The following GOLGA4 variants were observed in gnomAD, a reference collection of about 807,000 sequenced individuals.
GOLGA4 encodes golgin A4.
Under a neutral mutation model 265.9 loss-of-function variants are expected in GOLGA4, and 169 were observed. The ratio of observed to expected loss-of-function variants is 0.64; its 90% confidence interval spans 0.56 to 0.72. GOLGA4 has a LOEUF of 0.72. Among genes scored for constraint, GOLGA4 ranks in the 30% least tolerant of loss-of-function variants. The probability of loss-of-function intolerance (pLI) is 0.00; values close to 1 mark genes in which losing one functional copy is unlikely to be tolerated. For synonymous variants in GOLGA4, 923 were observed against 855.8 expected, an observed-to-expected ratio of 1.08 and a Z score of -1.37; for missense variants, 2,482 against 2,483.4, an observed-to-expected ratio of 1.00 and a Z score of 0.01.
intron 2 of GOLGA4, among the ~76,000 whole-genome samples, chr3:37,257,332 G>A (rs2096751647): frequency 2.6e-5 from 4 of 152,090 alleles, no homozygotes; most frequent in Admixed American, 2.0e-4. Context: ...ATAAGACCTG[G>A]AATAGACTGG....
intron 12 of GOLGA4, 189 bp from the exon 13 acceptor site, chr3:37,321,542 A>G (rs967120509): frequency 4.3e-5 from 23 of 537,328 alleles, no homozygotes; most frequent in Middle Eastern, 1.0e-3. Context: ...AATTGTGGCA[A>G]TTACCCCACT....
intron 2 of GOLGA4, among the ~76,000 whole-genome samples, chr3:37,265,886 G>T (rs1198918350): frequency 6.6e-6 from 1 of 151,822 alleles, no homozygotes; most frequent in Non-Finnish European, 1.5e-5. Context: ...AAATTAGCAG[G>T]CATAGTGATG....
chr3:37,303,571 CCA>C (rs1438266700), intron 10 of GOLGA4, among the ~76,000 whole-genome samples: 1 of 151,992 alleles, frequency 6.6e-6, no homozygotes, highest in Admixed American at 6.6e-5. Flanking sequence ...TGAATTTGAC[CCA>C]GTCATGAGCT....
At chr3:37,316,886 A>G (rs925534608) in intron 11 of GOLGA4, among the ~76,000 whole-genome samples, 4 of 151,576 alleles carry the variant, frequency 2.6e-5, no homozygotes, top group South Asian at 2.1e-4. Flanking sequence ...TAAAAACCAC[A>G]TGGACAATCC....
At chr3:37,245,480 C>T (rs2096716668) in intron 1 of GOLGA4, 1 of 152,202 alleles carries the variant, frequency 6.6e-6, no homozygotes, top group Admixed American at 6.5e-5. Context: ...TTTATATACA[C>T]ACATAGTAAA....
At chr3:37,278,151 T>TA (rs200121895) in intron 2 of GOLGA4, among the ~76,000 whole-genome samples, 35 of 149,782 alleles carry the variant, frequency 2.3e-4, no homozygotes, top group East Asian at 1.2e-3. Flanking sequence ...TTGTTAAACA[T>TA]AAAAAAAAAG....
chr3:37,250,423 A>C (rs1308418680), intron 1 of GOLGA4: 2 of 152,212 alleles, frequency 1.3e-5, no homozygotes, highest in Non-Finnish European at 2.9e-5. Flanking sequence ...GTCTGGATGT[A>C]TATATGTGTA....
intron 6 of GOLGA4, 85 bp from the exon 7 acceptor site, chr3:37,296,002 C>G: frequency 8.1e-7 from 1 of 1,231,012 alleles, no homozygotes; most frequent in Non-Finnish European, 1.2e-6. Flanking sequence ...AATCCTGGAA[C>G]CAATCCCCCA....
In GOLGA4 at chr3:37,326,536, T is replaced by G; in HGVS notation, c.4650T>G (p.Asn1550Lys). ...EIESLNEVLK[N>K]YNQQKDIEHK... Reference sequence around the variant, plus strand: ...AGTCCTTAAATGAAGTTCTTAAAAATTACAATCAACAAAAGGATATTGAAC... The same window carrying G: ...AGTCCTTAAATGAAGTTCTTAAAAAGTACAATCAACAAAAGGATATTGAAC... The change falls in exon 14 of 24, where the codon AAT becomes AAG. Residue 1550 changes from asparagine to lysine, a missense_variant. By Grantham distance (94) the Asn-to-Lys change is moderately conservative. Transcript: ENST00000361924. The G allele has an allele frequency of 6.2e-7, 1 of 1,607,894 alleles. No individual in the cohort carries two copies. The highest frequency in any genetic ancestry group is 8.5e-7 in the Non-Finnish European group (1 of 1,176,830).
Position 37,327,738 on chromosome 3 carries a change from A to G in GOLGA4, c.5852A>G (p.Lys1951Arg), listed in dbSNP as rs933507196. 2.5e-6 allele frequency: 4 copies of G among 1,613,206 alleles called. No homozygotes were observed. The highest frequency in any genetic ancestry group is 3.4e-6 in the Non-Finnish European group (4 of 1,179,308). The change falls in exon 14 of 24, where the codon AAA becomes AGA. Residue 1951 changes from lysine to arginine, a missense_variant. Lys to Arg is a conservative substitution (Grantham distance 26). Transcript: ENST00000361924. ...GGCAAGGAGATTGTTAGATTGCAGA[A>G]AGACCTTCGAATGTTGAGAAAGGAG... ...KLGKEIVRLQ[K>R]DLRMLRKEHQ...
In GOLGA4 at chr3:37,251,451, A is replaced by G. The variant is rs373395506; in HGVS notation, c.129A>G (p.Thr43=). Residue 43 remains threonine, a synonymous_variant, in exon 2 of 24, where the codon ACA becomes ACG. Transcript: ENST00000361924. ...TRMRSRTSSF[T]EQLDEGTPNR... ...TGAGGAGCAGGACATCTTCATTTAC[A>G]GAGCAACTTGATGAAGGTACACCCA... 7 of 1,611,726 alleles carry G rather than the reference A, an allele frequency of 4.3e-6. No individual in the cohort carries two copies. In the East Asian group the frequency reaches 1.3e-4, roughly 31 times the overall value.
intron 5 of GOLGA4, among the ~76,000 whole-genome samples, chr3:37,290,420 T>A (rs1362050565): frequency 1.3e-5 from 2 of 152,234 alleles, no homozygotes; most frequent in East Asian, 3.8e-4. Flanking sequence ...CGCAATTTTT[T>A]TATATAGCCA....
chr3:37,281,835 T>C lies in GOLGA4; in HGVS notation c.163-123T>C, dbSNP rs1432939029. On this transcript the variant is annotated intron_variant, in intron 2 of 23. Transcript: ENST00000361924. ...GTTTTTCAGAAAACAATGTATTATG[T>C]AAAATGTCAGGAATATAAATTCAAC... 8 of 751,760 alleles carry C rather than the reference T, an allele frequency of 1.1e-5. No individual in the cohort carries two copies. In the East Asian group the frequency reaches 2.0e-4, roughly 19 times the overall value. 46.6% of individuals were successfully genotyped at this position (751,760 alleles called of 1,614,324 possible). A position where few individuals can be genotyped will look rare whatever the true frequency, so the allele number is the denominator to read the frequency against.
chr3:37,281,977 T>G lies in GOLGA4; in HGVS notation c.182T>G (p.Phe61Cys). 1 of 1,613,542 alleles carries G rather than the reference T, an allele frequency of 6.2e-7. No individual in the cohort carries two copies. The highest frequency in any genetic ancestry group is 8.5e-7 in the Non-Finnish European group (1 of 1,179,656). The change falls in exon 3 of 24, where the codon TTT (phenylalanine) becomes TGT (cysteine). Residue 61 changes from phenylalanine (F) to cysteine (C), a missense_variant. This residue lies in a region of GOLGA4 where 1,536 missense variants were observed against 1,483.7 expected (regional missense o/e 1.04). Coordinates refer to ENST00000361924, the MANE Select transcript of GOLGA4 (RefSeq NM_002078.5). ...TTGCAGTCAGGTGACACACAGTCTT[T>G]TGCACAGAAGCTCCAGCTCCGGGTG... ...PNRESGDTQSFAQKLQLRVPS... is the reference protein window; with the variant it reads ...PNRESGDTQSCAQKLQLRVPS...
chr3:37,275,897 C>G (rs1383192205), intron 2 of GOLGA4: 1 of 1,613,622 alleles, frequency 6.2e-7, no homozygotes, highest in Non-Finnish European at 8.5e-7. Flanking sequence ...GGCAAAGTCT[C>G]TCATCAAATC....
At chr3:37,313,303 C>T (rs1182627746) in intron 10 of GOLGA4, 2 of 152,208 alleles carry the variant, frequency 1.3e-5, no homozygotes, top group East Asian at 3.8e-4. Flanking sequence ...TCACCCTTCT[C>T]TTGGCAATTT....
intron 2 of GOLGA4, among the ~76,000 whole-genome samples, chr3:37,251,958 G>T (rs910982497): frequency 6.6e-6 from 1 of 152,156 alleles, no homozygotes; most frequent in Non-Finnish European, 1.5e-5. Context: ...TGGTTGTTGA[G>T]AACCTTAATT....
chr3:37,355,165 A>G lies in GOLGA4; in HGVS notation c.6641A>G (p.Glu2214Gly), dbSNP rs1372986421. 3 of 1,600,864 alleles carry G rather than the reference A, an allele frequency of 1.9e-6. No individual in the cohort carries two copies. The highest frequency in any genetic ancestry group is 1.1e-5 in the South Asian group (1 of 90,832). The change falls in exon 22 of 24, where the codon GAA becomes GGA. Residue 2214 changes from glutamate (E) to glycine (G), a missense_variant. Physicochemically the swap from Glu to Gly is moderately conservative, Grantham distance 98. Around this residue, in one of 3 missense-constraint regions of GOLGA4, gnomAD observed 942 missense variants for 983.1 expected, o/e 0.96. Coordinates refer to ENST00000361924, the MANE Select transcript of GOLGA4 (RefSeq NM_002078.5). The part of the protein sequence containing the change: ...FPDDQTQKIL[E>G]REDARLMFTS... ...GATGATCAGACTCAGAAAATTTTGGAAAGAGAAGATGCTCGGCTGATGGTA... is the reference window on the plus strand; with the variant it reads ...GATGATCAGACTCAGAAAATTTTGGGAAGAGAAGATGCTCGGCTGATGGTA...
intron 10 of GOLGA4, among the ~76,000 whole-genome samples, chr3:37,303,830 ATTAC>A (rs1352765453): frequency 6.6e-6 from 1 of 152,210 alleles, no homozygotes. Context: ...ACTGCTAGCC[ATTAC>A]TTACTTTAGT....
Sources: gnomAD v4.1 joint callset for allele counts (sites outside exome capture counted in the v4.1 genomes callset) on GRCh38, gnomAD v4.1.1 for gene constraint, gnomAD v4.1.1 regional missense constraint, MANE v1.5 for transcripts, NCBI Gene and HGNC (gene_info 2026-07-23, HGNC 2026-07-21) for gene names.